The following NDST4 variants were observed in gnomAD, a reference collection of about 807,000 sequenced individuals.
NDST4 encodes N-heparan sulfate sulfotransferase 4.
NDST4 carries 63 observed loss-of-function variants against 100.8 expected under a neutral mutation model. That is an observed-to-expected ratio of 0.62 (90% CI 0.51 to 0.77). The LOEUF (loss-of-function observed/expected upper bound fraction) is 0.77, where lower values mean the gene tolerates loss of function less well. NDST4 is among the 30% of genes least tolerant of loss of function. The pLI is 0.00. For missense variants in NDST4, 943 were observed against 1,018.4 expected, an observed-to-expected ratio of 0.93 and a Z score of 1.01; for synonymous variants, 377 against 361.8, an observed-to-expected ratio of 1.04 and a Z score of -0.48.
intron 4 of NDST4, among the ~76,000 whole-genome samples, chr4:114,946,163 T>G (rs1725858596): frequency 6.6e-6 from 1 of 152,170 alleles, no homozygotes; most frequent in South Asian, 2.1e-4. Flanking sequence ...ATGTGCCATT[T>G]CTGTTGATTT....
intron 7 of NDST4, among the ~76,000 whole-genome samples, chr4:114,864,204 A>T (rs1188025210): frequency 6.6e-6 from 1 of 152,192 alleles, no homozygotes; most frequent in Non-Finnish European, 1.5e-5. Context: ...TAACTAGGAC[A>T]TTTCTAGACC....
intron 1 of NDST4, among the ~76,000 whole-genome samples, chr4:115,107,841 G>T (rs1729861721): frequency 6.6e-6 from 1 of 151,894 alleles, no homozygotes; most frequent in African/African-American, 2.4e-5. Flanking sequence ...TCTGTCTAAG[G>T]TGAAAAATAT....
At chr4:114,912,898 A>G (rs573472902) in intron 6 of NDST4, among the ~76,000 whole-genome samples, 6 of 152,216 alleles carry the variant, frequency 3.9e-5, no homozygotes, top group African/African-American at 1.4e-4. Context: ...TATCCAGACC[A>G]TTTAAAAGTG....
chr4:114,994,987 C>G (rs1727128809), intron 2 of NDST4, among the ~76,000 whole-genome samples: 1 of 151,878 alleles, frequency 6.6e-6, no homozygotes, highest in African/African-American at 2.4e-5. Flanking sequence ...GAAATTTTAT[C>G]TGATTTATCA....
chr4:115,049,134 C>G (rs991904864), intron 2 of NDST4, among the ~76,000 whole-genome samples: 1 of 152,082 alleles, frequency 6.6e-6, no homozygotes, highest in Non-Finnish European at 1.5e-5. Context: ...AATGTGTTGC[C>G]TCATCTTTAC....
At chr4:115,047,356 C>T (rs1214708755) in intron 2 of NDST4, among the ~76,000 whole-genome samples, 1 of 151,692 alleles carries the variant, frequency 6.6e-6, no homozygotes, top group Non-Finnish European at 1.5e-5. Flanking sequence ...TTTTCAAGGC[C>T]CAAAACCAGA....
chr4:115,033,155 ATAT>A (rs1419104093), intron 2 of NDST4, among the ~76,000 whole-genome samples: 108 of 27,592 alleles, frequency 3.9e-3, no homozygotes, highest in East Asian at 8.9e-3. Flanking sequence ...ATATATATAT[ATAT>A]TTTTTTTTTT....
chr4:115,088,645 C>G (rs752966367), intron 1 of NDST4, among the ~76,000 whole-genome samples: 33 of 151,800 alleles, frequency 2.2e-4, no homozygotes, highest in Non-Finnish European at 4.0e-4. Flanking sequence ...CACCCCCACT[C>G]CCGCCCCCAA....
intron 6 of NDST4, among the ~76,000 whole-genome samples, chr4:114,890,962 G>T (rs921925368): frequency 5.9e-5 from 9 of 152,026 alleles, no homozygotes; most frequent in Admixed American, 2.6e-4. Context: ...TTTTCCCCAG[G>T]AACTGACTCA....
chr4:114,962,662 C>T (rs1051793608), intron 4 of NDST4, among the ~76,000 whole-genome samples: 9 of 151,748 alleles, frequency 5.9e-5, no homozygotes, highest in Admixed American at 2.6e-4. Flanking sequence ...AAATTATAGC[C>T]GACCCAAATA....
At chr4:114,946,797 G>T (rs946396683) in intron 4 of NDST4, among the ~76,000 whole-genome samples, 1 of 151,942 alleles carries the variant, frequency 6.6e-6, no homozygotes, top group Non-Finnish European at 1.5e-5. Context: ...AGAAGGAATG[G>T]GTACAGATCT....
intron 6 of NDST4, among the ~76,000 whole-genome samples, chr4:114,900,184 C>T (rs963112637): frequency 6.6e-6 from 1 of 151,968 alleles, no homozygotes; most frequent in African/African-American, 2.4e-5. Flanking sequence ...GATGTCCCCT[C>T]TTTAATTTCT....
chr4:114,986,832 A>ATATATATATTTTTTTTT lies in NDST4; in HGVS notation c.979-9559_979-9558insAAAAAAAAATATATATA. ...TATATATATATATATATATATATAT[A>ATATATATATTTTTTTTT]TTTTAATATACTATTCCTATAAGCT... is the stretch of plus-strand genomic sequence containing the variant. On this transcript the variant is annotated intron_variant, in intron 2 of 13. Coordinates refer to ENST00000264363, the MANE Select transcript of NDST4 (RefSeq NM_022569.3). 1.0e-3 allele frequency among the ~76,000 whole-genome samples: 98 copies of ATATATATATTTTTTTTT among 94,622 alleles called. 1 individual carries two copies. Among genetic ancestry groups the ATATATATATTTTTTTTT allele is most frequent in the Non-Finnish European group, 1.7e-3 (77 of 46,204 alleles). The allele number at this position is 94,622 out of a possible 152,430, so 62.1% of individuals were successfully genotyped here.
At chr4:114,871,681 A>C (rs1267593958) in intron 6 of NDST4, among the ~76,000 whole-genome samples, 1 of 152,082 alleles carries the variant, frequency 6.6e-6, no homozygotes, top group African/African-American at 2.4e-5. Context: ...ATAAAAGAGA[A>C]ATTGCAAAAT....
intron 6 of NDST4, chr4:114,934,940 C>T (rs1725595471): frequency 5.7e-6 from 1 of 175,590 alleles, no homozygotes. Context: ...CAATGGAAAA[C>T]ATTGCTACTT....
rs537270732 is a variant in NDST4 at position 115,109,653 on chromosome 4, C to CT, written c.-247+3790dup. ...CAAGCATTCAGACATAGTTTTAACC[C>CT]TTTTTTCTCAGATTTTTCAAAATTT... On this transcript the variant is annotated intron_variant, in intron 1 of 13. Transcript: ENST00000264363. 1.3e-4 allele frequency among the ~76,000 whole-genome samples: 19 copies of CT among 151,868 alleles called. No individual in the cohort carries two copies. In the East Asian group the frequency reaches 3.7e-3, roughly 30 times the overall value.
intron 9 of NDST4, among the ~76,000 whole-genome samples, chr4:114,846,911 T>C (rs1055675183): frequency 5.3e-5 from 8 of 152,126 alleles, no homozygotes; most frequent in Non-Finnish European, 1.0e-4. Context: ...AAAATTGCCG[T>C]TCTGCTTTTA....
intron 6 of NDST4, among the ~76,000 whole-genome samples, chr4:114,902,856 A>G (rs762471887): frequency 6.6e-6 from 1 of 152,046 alleles, no homozygotes; most frequent in Non-Finnish European, 1.5e-5. Context: ...GCTACTCATG[A>G]GCCCATCAAG....
intron 2 of NDST4, among the ~76,000 whole-genome samples, chr4:115,027,273 C>T (rs1035401139): frequency 2.6e-5 from 4 of 152,138 alleles, no homozygotes; most frequent in African/African-American, 9.6e-5. Flanking sequence ...AACAGGACTT[C>T]ATACCGTCTG....
Sources: allele counts gnomAD v4.1 joint callset (sites outside exome capture counted in the v4.1 genomes callset), GRCh38; gene constraint gnomAD v4.1.1; transcripts MANE v1.5; gene names NCBI Gene and HGNC (gene_info 2026-07-23, HGNC 2026-07-21).